The following FUT9 variants were observed in gnomAD, a reference collection of about 807,000 sequenced individuals.
FUT9 encodes the protein 4-galactosyl-N-acetylglucosaminide 3-alpha-L-fucosyltransferase 9.
In FUT9, 15 loss-of-function variants were observed where a neutral mutation model predicts 29.7. The observed-to-expected ratio is 0.51, with a 90% CI of 0.34 to 0.78. FUT9 has a LOEUF of 0.78. Ranked by LOEUF, FUT9 falls within the 30% of genes least tolerant of loss-of-function variation. The pLI, the probability that FUT9 is intolerant of heterozygous loss-of-function variation, is 0.01. For missense variants in FUT9, 319 were observed against 425.4 expected (o/e 0.75, Z 2.20); for synonymous variants, 169 against 153.7 (o/e 1.10, Z -0.74).
In FUT9 at chr6:96,153,908, G is replaced by A. The variant is rs920802886; in HGVS notation, c.-9+39781G>A. 9.2e-5 allele frequency among the ~76,000 whole-genome samples: 14 copies of A among 152,232 alleles called. 1 individual carries two copies. The highest frequency in any genetic ancestry group is 5.2e-4 in the Admixed American group (8 of 15,292). ...AATGGCCAGCAGCCAATCTCAATCTGGAGAGGAAATGATTAAAATCTTAAT... is the reference window on the plus strand; with the variant it reads ...AATGGCCAGCAGCCAATCTCAATCTAGAGAGGAAATGATTAAAATCTTAAT... On this transcript the variant is annotated intron_variant, in intron 2 of 2. Coordinates refer to ENST00000302103, the MANE Select transcript of FUT9 (RefSeq NM_006581.4).
chr6:96,154,396 GCAAA>G (rs1424802946), intron 2 of FUT9, among the ~76,000 whole-genome samples: 2 of 152,032 alleles, frequency 1.3e-5, no homozygotes, highest in South Asian at 2.1e-4. Flanking sequence ...TAATATAAAA[GCAAA>G]CAAACAGTAC....
chr6:96,055,291 A>G lies in FUT9; in HGVS notation c.-98+39079A>G, dbSNP rs564407010. Among the ~76,000 whole-genome samples the G allele has an allele frequency of 1.2e-3, 178 of 152,236 alleles. 1 individual carries two copies. The highest frequency in any genetic ancestry group is 2.1e-3 in the Non-Finnish European group (141 of 67,998). The stretch of plus-strand genomic sequence containing the variant: ...GATGTGCAGCATCCTTCTGCTCAGT[A>G]ATTTATGAATACATGTGACTATACT... On this transcript the variant is annotated intron_variant, in intron 1 of 2. Transcript: ENST00000302103.
chr6:96,076,279 A>T (rs1178514608), intron 1 of FUT9, among the ~76,000 whole-genome samples: 3 of 152,218 alleles, frequency 2.0e-5, no homozygotes, highest in African/African-American at 7.2e-5. Flanking sequence ...AAAGGAGGAA[A>T]TATTAATAGT....
chr6:96,025,727 G>A (rs1230238780), intron 1 of FUT9, among the ~76,000 whole-genome samples: 1 of 151,562 alleles, frequency 6.6e-6, no homozygotes, highest in Non-Finnish European at 1.5e-5. Context: ...TTCTCTTCCA[G>A]AAAGCCATGA....
At chr6:96,131,933 A>G (rs1160818988) in intron 2 of FUT9, among the ~76,000 whole-genome samples, 1 of 152,098 alleles carries the variant, frequency 6.6e-6, no homozygotes, top group African/African-American at 2.4e-5. Flanking sequence ...TTTTCCTATC[A>G]TCACAGTTCT....
chr6:96,045,447 C>T (rs904018863), intron 1 of FUT9, among the ~76,000 whole-genome samples: 1 of 152,178 alleles, frequency 6.6e-6, no homozygotes, highest in Non-Finnish European at 1.5e-5. Flanking sequence ...TAGTTTCTGA[C>T]ATTATCATCT....
intron 1 of FUT9, among the ~76,000 whole-genome samples, chr6:96,027,929 A>C (rs6925780): frequency 6.6e-6 from 1 of 151,300 alleles, no homozygotes; most frequent in Non-Finnish European, 1.5e-5. Context: ...TTGTCCCTAC[A>C]TTGCCTTGTT....
chr6:96,158,928 A>T (rs1772843046), intron 2 of FUT9, among the ~76,000 whole-genome samples: 1 of 152,116 alleles, frequency 6.6e-6, no homozygotes, highest in Admixed American at 6.6e-5. Flanking sequence ...TGTAAAGGTA[A>T]AGGTCAATGT....
rs1431302127 is a variant in FUT9, at chr6:96,210,444, C to T, written c.*6209C>T. ...GGCTTTAAAATTGCAGATGTCCAAACCCCACCTCCAGAGAGCTGATCTATT... is the reference window on the plus strand; with the variant it reads ...GGCTTTAAAATTGCAGATGTCCAAATCCCACCTCCAGAGAGCTGATCTATT... On this transcript the variant is annotated 3_prime_UTR_variant, in exon 3 of 3. Transcript: ENST00000302103. The T allele has an allele frequency of 3.0e-5, 5 of 166,752 alleles. No homozygotes were observed. Among genetic ancestry groups the T allele is most frequent in the Admixed American group, 6.6e-5 (1 of 15,228 alleles). The allele number at this position is 166,752 out of a possible 1,614,324, so 10.3% of individuals were successfully genotyped here. A position where few individuals can be genotyped will look rare whatever the true frequency, so the allele number is the denominator to read the frequency against.
intron 1 of FUT9, among the ~76,000 whole-genome samples, chr6:96,028,298 CA>C (rs1410889041): frequency 1.3e-5 from 2 of 151,486 alleles, no homozygotes; most frequent in East Asian, 3.9e-4. Flanking sequence ...TAACTGGGTT[CA>C]AATTCTTACC....
At chr6:96,191,376 C>A (rs897385647) in intron 2 of FUT9, among the ~76,000 whole-genome samples, 11 of 151,974 alleles carry the variant, frequency 7.2e-5, no homozygotes, top group Non-Finnish European at 1.3e-4. Context: ...CAAATAGACG[C>A]AATAAAAAAT....
chr6:96,171,044 T>C (rs1427555998), intron 2 of FUT9, among the ~76,000 whole-genome samples: 3 of 152,140 alleles, frequency 2.0e-5, no homozygotes, highest in Non-Finnish European at 2.9e-5. Context: ...TTGCCAATCA[T>C]TTGGAGGAGC....
At chr6:96,072,765 T>C (rs755637606) in intron 1 of FUT9, among the ~76,000 whole-genome samples, 1 of 152,236 alleles carries the variant, frequency 6.6e-6, no homozygotes, top group Non-Finnish European at 1.5e-5. Context: ...ATATTTTAAC[T>C]GAAGTACTTT....
At chr6:96,142,080 G>T (rs560983275) in intron 2 of FUT9, among the ~76,000 whole-genome samples, 1 of 152,134 alleles carries the variant, frequency 6.6e-6, no homozygotes, top group Admixed American at 6.6e-5. Flanking sequence ...TGTTTTGCTC[G>T]TGAATATTGC....
intron 1 of FUT9, among the ~76,000 whole-genome samples, chr6:96,102,708 G>T (rs750890616): frequency 3.3e-5 from 5 of 151,886 alleles, no homozygotes; most frequent in Non-Finnish European, 5.9e-5. Flanking sequence ...TTTTTAATCA[G>T]CTTTTTCAGG....
At chr6:96,152,394 T>C (rs1037269415) in intron 2 of FUT9, among the ~76,000 whole-genome samples, 7 of 152,140 alleles carry the variant, frequency 4.6e-5, no homozygotes, top group African/African-American at 1.7e-4. Context: ...ACTCCTTGTA[T>C]TGAGTTCTAA....
chr6:96,203,275 A>G lies in FUT9; in HGVS notation c.120A>G (p.Pro40=). The G allele has an allele frequency of 6.2e-7, 1 of 1,613,956 alleles. No homozygotes were observed. The highest frequency in any genetic ancestry group is 1.3e-5 in the African/African-American group (1 of 75,010). Residue 40 remains proline, a synonymous_variant, in exon 3 of 3, where the codon CCA becomes CCG. Coordinates refer to ENST00000302103, the MANE Select transcript of FUT9 (RefSeq NM_006581.4). ...IKPTNSWIFS[P]MESASSVLKM... The stretch of plus-strand genomic sequence containing the variant: ...CTACCAACAGCTGGATCTTCAGTCC[A>G]ATGGAATCAGCCAGCTCTGTGCTGA...
At chr6:96,142,133 G>A (rs556084097) in intron 2 of FUT9, among the ~76,000 whole-genome samples, 123 of 152,240 alleles carry the variant, frequency 8.1e-4, no homozygotes, top group African/African-American at 2.7e-3. Context: ...AATTTCAGAG[G>A]TTGAACAGGG....
In FUT9 at chr6:96,076,602, G is replaced by A. The variant is rs151047924; in HGVS notation, c.-97-37437G>A. Among the ~76,000 whole-genome samples, 132 of 152,134 alleles carry A rather than the reference G, an allele frequency of 8.7e-4. 3 individuals are homozygous for A. The East Asian group carries it at 0.021, about 24-fold the overall frequency. Reference sequence around the variant, plus strand: ...CTGCTGAGAACAACATATATACTTGGCATTGGCTTCATAAGTATAAAGTAA... The same window carrying A: ...CTGCTGAGAACAACATATATACTTGACATTGGCTTCATAAGTATAAAGTAA... On this transcript the variant is annotated intron_variant, in intron 1 of 2. Coordinates refer to ENST00000302103, the MANE Select transcript of FUT9 (RefSeq NM_006581.4).
Sources: gnomAD v4.1 joint callset for allele counts (sites outside exome capture counted in the v4.1 genomes callset) on GRCh38, gnomAD v4.1.1 for gene constraint, MANE v1.5 for transcripts, NCBI Gene and HGNC (gene_info 2026-07-23, HGNC 2026-07-21) for gene names.